The following RPSA2 variants were observed in gnomAD, a reference collection of about 807,000 sequenced individuals.
RPSA2 encodes the protein ribosomal protein SA 2.
the RPSA2 span, among the ~76,000 whole-genome samples, chr19:23,766,129 G>A: frequency 1.4e-5 from 2 of 147,806 alleles, no homozygotes; most frequent in African/African-American, 5.1e-5. Context: ...TTGCTGGTGC[G>A]GATATTTCAT....
the RPSA2 span, among the ~76,000 whole-genome samples, chr19:23,797,223 C>T: frequency 6.6e-6 from 1 of 152,136 alleles, no homozygotes; most frequent in Non-Finnish European, 1.5e-5. Flanking sequence ...GACTCTCTGG[C>T]CTCAGCCTCC....
At chr19:23,834,467 T>A in the RPSA2 span, among the ~76,000 whole-genome samples, 2 of 152,022 alleles carry the variant, frequency 1.3e-5, no homozygotes, top group Non-Finnish European at 2.9e-5. Context: ...AGATGCATAA[T>A]GAAAATTTAA....
At chr19:23,761,186 C>T in the RPSA2 span, among the ~76,000 whole-genome samples, 2 of 151,560 alleles carry the variant, frequency 1.3e-5, no homozygotes, top group African/African-American at 4.9e-5. Context: ...CTCCAGTGAT[C>T]CTTCTACCTC....
the RPSA2 span, among the ~76,000 whole-genome samples, chr19:23,838,282 G>A: frequency 4.4e-5 from 5 of 113,548 alleles, no homozygotes; most frequent in African/African-American, 6.6e-5. Context: ...TGCATCTGTG[G>A]TGTGAAACCC....
At chr19:23,819,131 T>C in the RPSA2 span, 1 of 152,266 alleles carries the variant, frequency 6.6e-6, no homozygotes, top group East Asian at 1.9e-4. Flanking sequence ...ACAATTAATA[T>C]TACAAGGAAA....
the RPSA2 span, among the ~76,000 whole-genome samples, chr19:23,763,625 C>A: frequency 6.6e-6 from 1 of 152,128 alleles, no homozygotes; most frequent in East Asian, 1.9e-4. Context: ...TGCGCCACCC[C>A]GCCTGGCTAA....
At chr19:23,811,529 A>G in the RPSA2 span, among the ~76,000 whole-genome samples, 1 of 144,560 alleles carries the variant, frequency 6.9e-6, no homozygotes, top group African/African-American at 2.6e-5. Flanking sequence ...TTTTTTTTTT[A>G]TCTTGTTAAT....
chr19:23,775,135 A>G, the RPSA2 span, among the ~76,000 whole-genome samples: 63,106 of 152,090 alleles, frequency 0.41, 13,569 homozygotes, highest in East Asian at 0.56. Context: ...CGGGTGGTAC[A>G]GAGAGTGTCC....
At chr19:23,856,471 C>T in the RPSA2 span, among the ~76,000 whole-genome samples, 377 of 151,704 alleles carry the variant, frequency 2.5e-3, 2 homozygotes, top group African/African-American at 8.8e-3. Context: ...GTGACCCATA[C>T]TTACCCCAGA....
At chr19:23,844,106 T>C in the RPSA2 span, among the ~76,000 whole-genome samples, 2 of 152,294 alleles carry the variant, frequency 1.3e-5, no homozygotes, top group Middle Eastern at 3.4e-3. Context: ...TTTGAAGTGA[T>C]AGCTCATCGT....
chr19:23,759,861 A>G, the RPSA2 span, among the ~76,000 whole-genome samples: 110 of 152,150 alleles, frequency 7.2e-4, no homozygotes, highest in South Asian at 0.022. Context: ...AACAGACACA[A>G]AAGCAGCCAC....
chr19:23,840,133 G>A, the RPSA2 span, among the ~76,000 whole-genome samples: 7 of 152,186 alleles, frequency 4.6e-5, no homozygotes, highest in Non-Finnish European at 8.8e-5. Context: ...TGTGTCCCAG[G>A]TCAAAACTGT....
the RPSA2 span, among the ~76,000 whole-genome samples, chr19:23,838,347 T>A: frequency 6.6e-6 from 1 of 152,198 alleles, no homozygotes; most frequent in African/African-American, 2.4e-5. Context: ...TAATATTTTG[T>A]TAAGGATTTT....
At chr19:23,827,024 G>T in the RPSA2 span, 20 of 669,410 alleles carry the variant, frequency 3.0e-5, no homozygotes, top group African/African-American at 2.9e-4. Context: ...TCTACTGAAT[G>T]ATTTATTGAA....
At chr19:23,857,553 C>A in the RPSA2 span, among the ~76,000 whole-genome samples, 1 of 123,642 alleles carries the variant, frequency 8.1e-6, no homozygotes, top group Non-Finnish European at 1.6e-5. Flanking sequence ...TGCAGTGGTT[C>A]AATCTTGGCT....
the RPSA2 span, among the ~76,000 whole-genome samples, chr19:23,823,422 T>G: frequency 6.6e-6 from 1 of 152,134 alleles, no homozygotes; most frequent in Non-Finnish European, 1.5e-5. Flanking sequence ...TTGCCACTAG[T>G]CCCGGTTGGT....
the RPSA2 span, among the ~76,000 whole-genome samples, chr19:23,852,623 G>GT: frequency 6.6e-6 from 1 of 152,140 alleles, no homozygotes; most frequent in Non-Finnish European, 1.5e-5. Context: ...GCGATTTTCC[G>GT]CCTGGGTGGG....
chr19:23,851,658 CT>C, the RPSA2 span, among the ~76,000 whole-genome samples: 1 of 152,086 alleles, frequency 6.6e-6, no homozygotes, highest in Non-Finnish European at 1.5e-5. Context: ...TTAACTCTGC[CT>C]TTTGAGCAGT....
chr19:23,765,222 GACATGGTGGGAA>G, the RPSA2 span, among the ~76,000 whole-genome samples: 1 of 152,208 alleles, frequency 6.6e-6, no homozygotes, highest in African/African-American at 2.4e-5. Flanking sequence ...CATTATGGAA[GACATGGTGGGAA>G]CTCCCTGAAG....
Sources: gnomAD v4.1 joint callset for allele counts (sites outside exome capture counted in the v4.1 genomes callset) on GRCh38, gnomAD v4.1.1 for gene constraint, MANE v1.5 for transcripts, NCBI Gene and HGNC (gene_info 2026-07-23, HGNC 2026-07-21) for gene names.